Variants in NUP133 observed in about 807,000 individuals in gnomAD.
NUP133 encodes nuclear pore complex protein Nup133.
In NUP133, 66 loss-of-function variants were observed where a neutral mutation model predicts 146.2. The observed-to-expected ratio is 0.45, with a 90% CI of 0.37 to 0.55. The LOEUF is 0.55. Among genes scored for constraint, NUP133 ranks in the 20% least tolerant of loss-of-function variants. NUP133 has a pLI of 0.00. For synonymous variants in NUP133, 521 were observed against 498.8 expected (o/e 1.04, Z -0.59); for missense variants, 1,277 against 1,374.8 (o/e 0.93, Z 1.12).
At chr1:229,458,445 C>T (rs373208848) in intron 20 of NUP133, 149 bp from the exon 21 acceptor site, 193 of 581,422 alleles carry the variant, frequency 3.3e-4, no homozygotes, top group African/African-American at 3.1e-3. Flanking sequence ...CTGAGCAGTA[C>T]GTAACATTGA....
intron 22 of NUP133, 59 bp downstream of exon 22, chr1:229,452,466 C>G (rs1459484861): frequency 4.3e-6 from 6 of 1,383,266 alleles, no homozygotes; most frequent in Non-Finnish European, 6.1e-6. Context: ...CATGGCCCAA[C>G]AAACACCAAA....
In NUP133 at chr1:229,464,642, C is replaced by G. The variant is rs1203699013; in HGVS notation, c.2533G>C (p.Asp845His). The change falls in exon 18 of 26, where the codon GAT (aspartate) becomes CAT (histidine). Residue 845 changes from aspartate to histidine, a missense_variant. Asp to His is a moderately conservative substitution (Grantham distance 81). Around this residue, in one of 3 missense-constraint regions of NUP133, gnomAD observed 952 missense variants for 1,047.0 expected, o/e 0.91. Transcript: ENST00000261396. ...AACTTACGAAGAGGAGATAAGAGAT[C>G]TGATCTTTTCTGTAGGTATTCCATC... ...LEMEYLQKRS[D>H]LLSPLLSLGQ... is the part of the protein sequence containing the mutation. 3 of 1,614,158 alleles carry G rather than the reference C, an allele frequency of 1.9e-6. No homozygotes were observed. The highest frequency in any genetic ancestry group is 2.5e-6 in the Non-Finnish European group (3 of 1,179,986).
rs201748818 is a variant in NUP133 at position 229,470,681 on chromosome 1, G to A, written c.1975C>T (p.Arg659Trp). The A allele has an allele frequency of 3.5e-5, 57 of 1,614,010 alleles. No homozygotes were observed. The highest frequency in any genetic ancestry group is 1.1e-4 in the African/African-American group (8 of 74,906). The change falls in exon 15 of 26, where the codon CGG (arginine) becomes TGG (tryptophan). Residue 659 changes from arginine (R) to tryptophan (W), a missense_variant. Around this residue, in one of 3 missense-constraint regions of NUP133, gnomAD observed 952 missense variants for 1,047.0 expected, o/e 0.91. Coordinates refer to ENST00000261396, the MANE Select transcript of NUP133 (RefSeq NM_018230.3). ...GCTGTGTTGACAAGGTCAGAAAGCC[G>A]GGAGTGGTGGTTCTTGAGAACAATG... ...AAIVLKNHHS[R>W]LSDLVNTAIL...
chr1:229,492,649 T>A (rs1463630651), intron 8 of NUP133, among the ~76,000 whole-genome samples: 1 of 151,836 alleles, frequency 6.6e-6, no homozygotes, highest in Non-Finnish European at 1.5e-5. Context: ...TTATTCTAAG[T>A]GAAGTAACTC....
intron 25 of NUP133, among the ~76,000 whole-genome samples, chr1:229,444,705 G>C (rs1006780469): frequency 1.3e-5 from 2 of 151,866 alleles, no homozygotes; most frequent in African/African-American, 4.8e-5. Flanking sequence ...AAATTAGCCA[G>C]GCATGGTAGC....
In NUP133 at chr1:229,500,861, T is replaced by C; in HGVS notation, c.408A>G (p.Leu136=). The C allele has an allele frequency of 6.2e-7, 1 of 1,607,442 alleles. No homozygotes were observed. ...GCAGCTGAAGTTCTTTGCAAACGGA[T>C]AACTGTAGAACAAACCCAAACAGAA... The part of the protein sequence containing the change: ...WKIALSPITK[L]SVCKELQLPP... Residue 136 remains leucine (L), a splice_region_variant and synonymous_variant, in exon 4 of 26, where the codon TTA becomes TTG. Coordinates refer to ENST00000261396, the MANE Select transcript of NUP133 (RefSeq NM_018230.3).
intron 23 of NUP133, among the ~76,000 whole-genome samples, chr1:229,449,850 T>TA (rs1354395111): frequency 6.9e-4 from 76 of 109,676 alleles, no homozygotes; most frequent in African/African-American, 2.7e-3. Context: ...CTATGAAGAT[T>TA]TTATATATAT....
chr1:229,507,929 G>A (rs1358691002), intron 1 of NUP133, 139 bp downstream of exon 1: 14 of 1,262,934 alleles, frequency 1.1e-5, no homozygotes, highest in Admixed American at 4.2e-5. Flanking sequence ...CTGCAGCAGT[G>A]GAAAAGGTCT....
chr1:229,442,107 T>C lies in NUP133; in HGVS notation c.3335-67A>G, dbSNP rs978167218. 6 of 1,462,806 alleles carry C rather than the reference T, an allele frequency of 4.1e-6. No homozygotes were observed. In the South Asian group the frequency reaches 8.1e-5, roughly 20 times the overall value. The allele number at this position is 1,462,806 out of a possible 1,614,324, so 90.6% of individuals were successfully genotyped here. On this transcript the variant is annotated intron_variant, in intron 25 of 25. Transcript: ENST00000261396. The stretch of plus-strand genomic sequence containing the variant: ...AAATGCTCAAATGAATTCTGATGAT[T>C]GATGACAAAAGCACCTGTGCTTCTA...
At chr1:229,499,477 A>G (rs899634672) in intron 5 of NUP133, among the ~76,000 whole-genome samples, 1 of 151,944 alleles carries the variant, frequency 6.6e-6, no homozygotes, top group East Asian at 1.9e-4. Flanking sequence ...ATCAAATCTC[A>G]TTTCCACGGC....
intron 17 of NUP133, 117 bp from the exon 18 acceptor site, chr1:229,464,992 G>T: frequency 8.2e-7 from 1 of 1,225,152 alleles, no homozygotes; most frequent in Non-Finnish European, 1.2e-6. Context: ...ACATTGAACA[G>T]GGATTCAGGT....
intron 24 of NUP133, among the ~76,000 whole-genome samples, chr1:229,448,060 A>G (rs1571904018): frequency 6.6e-6 from 1 of 152,370 alleles, no homozygotes; most frequent in Non-Finnish European, 1.5e-5. Flanking sequence ...GCATGCTAAA[A>G]GACACTCCCA....
intron 8 of NUP133, among the ~76,000 whole-genome samples, chr1:229,492,666 G>A (rs941009714): frequency 3.3e-5 from 5 of 151,846 alleles, no homozygotes; most frequent in African/African-American, 1.2e-4. Flanking sequence ...ACTCAGGAAT[G>A]GAAAACCAAA....
intron 8 of NUP133, 93 bp downstream of exon 8, chr1:229,495,402 C>T: frequency 1.2e-6 from 1 of 837,336 alleles, no homozygotes; most frequent in Admixed American, 2.0e-5. Flanking sequence ...AAAGAAAGAG[C>T]ACATAGTGAG....
Position 229,473,263 on chromosome 1 carries a change from C to CA in NUP133, c.1851+2374dup, listed in dbSNP as rs1368845253. On this transcript the variant is annotated intron_variant, in intron 14 of 25. Transcript: ENST00000261396. ...ACCCTGTATCCAAACAAAAAACACA[C>CA]AAAAAAAACTTTCCTTAGTATCTAG... Among the ~76,000 whole-genome samples the CA allele has an allele frequency of 3.3e-5, 5 of 151,768 alleles. No homozygotes were observed. In the South Asian group the frequency reaches 6.2e-4, roughly 19 times the overall value.
chr1:229,453,316 A>T (rs944363191), intron 21 of NUP133, among the ~76,000 whole-genome samples: 1 of 152,216 alleles, frequency 6.6e-6, no homozygotes, highest in Middle Eastern at 3.2e-3. Flanking sequence ...GGGGATAGCC[A>T]AAACTGCAGA....
At chr1:229,449,031 G>A (rs1660380505) in intron 24 of NUP133, 95 bp downstream of exon 24, 1 of 937,764 alleles carries the variant, frequency 1.1e-6, no homozygotes, top group Non-Finnish European at 1.7e-6. Context: ...AACACGTCTG[G>A]TCACAGAAGT....
intron 22 of NUP133, 164 bp from the exon 23 acceptor site, chr1:229,450,769 A>G (rs1660431354): frequency 2.7e-6 from 1 of 377,280 alleles, no homozygotes; most frequent in Non-Finnish European, 4.8e-6. Context: ...TCTGTCACCC[A>G]GGCTGGATTG....
chr1:229,446,923 G>A (rs944599391), intron 24 of NUP133, among the ~76,000 whole-genome samples: 14 of 151,916 alleles, frequency 9.2e-5, no homozygotes, highest in African/African-American at 1.7e-4. Flanking sequence ...TCAGGAGTTC[G>A]AGACCAGCCT....
Sources: allele counts gnomAD v4.1 joint callset (sites outside exome capture counted in the v4.1 genomes callset), GRCh38; gene constraint gnomAD v4.1.1; regional missense constraint gnomAD v4.1.1; transcripts MANE v1.5; gene names NCBI Gene and HGNC (gene_info 2026-07-23, HGNC 2026-07-21).